The following TJP1 variants were observed in gnomAD, a reference collection of about 807,000 sequenced individuals.
TJP1 encodes tight junction protein ZO-1.
Under a neutral mutation model 194.2 loss-of-function variants are expected in TJP1, and 43 were observed. The ratio of observed to expected loss-of-function variants is 0.22; its 90% confidence interval spans 0.17 to 0.29. TJP1 has a LOEUF of 0.29. Among genes scored for constraint, TJP1 ranks in the 10% least tolerant of loss-of-function variants. The pLI, the probability that TJP1 is intolerant of heterozygous loss-of-function variation, is 1.00. For missense variants in TJP1, 1,971 were observed against 2,185.7 expected, an observed-to-expected ratio of 0.90 and a Z score of 1.96; for synonymous variants, 801 against 779.0, an observed-to-expected ratio of 1.03 and a Z score of -0.47.
chr15:29,847,571 G>A (rs2461658), intron 2 of TJP1, among the ~76,000 whole-genome samples: 20,135 of 152,000 alleles, frequency 0.13, 1,715 homozygotes, highest in East Asian at 0.28. Context: ...GGATCACGAG[G>A]TCAGGAGATT....
At chr15:29,782,333 T>C (rs1272798845) in intron 2 of TJP1, among the ~76,000 whole-genome samples, 2 of 152,142 alleles carry the variant, frequency 1.3e-5, no homozygotes, top group Admixed American at 6.5e-5. Flanking sequence ...AGCATGGTAC[T>C]GTAACAAAGA....
chr15:29,788,778 T>A (rs2047876436), intron 2 of TJP1, among the ~76,000 whole-genome samples: 1 of 152,238 alleles, frequency 6.6e-6, no homozygotes, highest in African/African-American at 2.4e-5. Flanking sequence ...GAGCAACTCA[T>A]TCCTGAGGAA....
intron 2 of TJP1, among the ~76,000 whole-genome samples, chr15:29,885,079 G>T (rs911674707): frequency 1.3e-5 from 2 of 152,142 alleles, no homozygotes; most frequent in Non-Finnish European, 2.9e-5. Context: ...CTCATTTTAG[G>T]TATGGAATCT....
intron 2 of TJP1, among the ~76,000 whole-genome samples, chr15:29,788,426 G>C (rs980704388): frequency 6.6e-6 from 1 of 152,152 alleles, no homozygotes; most frequent in African/African-American, 2.4e-5. Context: ...TCTTCAAAGA[G>C]GTTTAGAGTT....
At position 29,800,696 on chromosome 15, in the gene TJP1, C is replaced by T. The variant is rs1487943359; in HGVS notation, c.34G>A (p.Ala12Thr). 1 of 1,613,676 alleles carries T rather than the reference C, an allele frequency of 6.2e-7. No homozygotes were observed. The highest frequency in any genetic ancestry group is 1.7e-5 in the Admixed American group (1 of 59,948). ...SARAAAAKST[A>T]MEETAIWEQH... Reference sequence around the variant, plus strand: ...TCCCATATAGCTGTTTCCTCCATTGCTGTGCTCTGATAAAGGAAAAGAAAA... The same window carrying T: ...TCCCATATAGCTGTTTCCTCCATTGTTGTGCTCTGATAAAGGAAAAGAAAA... Residue 12 changes from alanine to threonine, a missense_variant, in exon 2 of 28, where the codon GCA (alanine) becomes ACA (threonine). Transcript: ENST00000614355.
At chr15:29,828,423 G>A (rs1296651495) in intron 2 of TJP1, among the ~76,000 whole-genome samples, 1 of 151,454 alleles carries the variant, frequency 6.6e-6, no homozygotes, top group Non-Finnish European at 1.5e-5. Flanking sequence ...ATATCTTTTT[G>A]TATACATGTA....
At chr15:29,949,564 C>T (rs866075751) in intron 2 of TJP1, among the ~76,000 whole-genome samples, 18 of 132,516 alleles carry the variant, frequency 1.4e-4, no homozygotes, top group Admixed American at 3.2e-4. Context: ...CCACCACCTC[C>T]ACTTCCACAA....
In TJP1 at chr15:29,705,744, G is replaced by C; in HGVS notation, c.4852C>G (p.Pro1618Ala). 1 of 1,613,992 alleles carries C rather than the reference G, an allele frequency of 6.2e-7. No homozygotes were observed. Residue 1618 changes from proline (P) to alanine (A), a missense_variant and splice_region_variant, in exon 26 of 28, where the codon CCT becomes GCT. Physicochemically the swap from Pro to Ala is conservative, Grantham distance 27 (BLOSUM62 -1). Coordinates refer to ENST00000614355, the MANE Select transcript of TJP1 (RefSeq NM_001330239.4). ...TCTTCATCCTCTTCCACAGCTGAAG[G>C]ACTGAAAGTTCAGAAATGGCTAGTG... Reference protein sequence around the residue: ...STVPKAIPVSPSAVEEDEDED... With the variant: ...STVPKAIPVSASAVEEDEDED...
intron 1 of TJP1, among the ~76,000 whole-genome samples, chr15:29,819,900 C>G (rs1040968586): frequency 1.4e-4 from 21 of 152,198 alleles, no homozygotes; most frequent in African/African-American, 5.1e-4. Flanking sequence ...GCCTTTGCCT[C>G]GGTAATTCCA....
chr15:29,950,796 G>C (rs2055720738), intron 2 of TJP1, among the ~76,000 whole-genome samples: 1 of 152,138 alleles, frequency 6.6e-6, no homozygotes, highest in Non-Finnish European at 1.5e-5. Flanking sequence ...AAAGTCAAAA[G>C]GCAGTTTTGT....
At chr15:29,902,397 C>G (rs189090962) in intron 2 of TJP1, among the ~76,000 whole-genome samples, 4 of 152,062 alleles carry the variant, frequency 2.6e-5, no homozygotes, top group Non-Finnish European at 5.9e-5. Context: ...GTAAAATACA[C>G]TCAACTATAT....
At chr15:29,939,122 G>A (rs1400273684) in intron 2 of TJP1, among the ~76,000 whole-genome samples, 2 of 152,174 alleles carry the variant, frequency 1.3e-5, no homozygotes, top group African/African-American at 4.8e-5. Flanking sequence ...GCTTGTGTCT[G>A]CATAATGCCT....
At chr15:29,869,761 C>T (rs889606551) in intron 2 of TJP1, among the ~76,000 whole-genome samples, 64 of 147,030 alleles carry the variant, frequency 4.4e-4, no homozygotes, top group Non-Finnish European at 8.4e-4. Flanking sequence ...GAAGGCAGAA[C>T]GATATCCTTT....
chr15:29,815,514 T>C lies in TJP1; in HGVS notation c.27+6488A>G, dbSNP rs143829095. 4.2e-3 allele frequency among the ~76,000 whole-genome samples: 635 copies of C among 152,360 alleles called. 8 individuals carry two copies. The highest frequency in any genetic ancestry group is 0.024 in the Middle Eastern group (7 of 294). ...ATGACTGGCTCATTCCACTAGCTTG[T>C]CTTCAGCTACTATAATGCTCAGTCA... On this transcript the variant is annotated intron_variant, in intron 1 of 27. Transcript: ENST00000614355.
intron 2 of TJP1, among the ~76,000 whole-genome samples, chr15:29,889,043 T>C (rs1782060450): frequency 6.6e-6 from 1 of 152,164 alleles, no homozygotes; most frequent in South Asian, 2.1e-4. Flanking sequence ...GCTCCCTTAG[T>C]TGGGTAAACA....
chr15:29,916,425 G>C lies in TJP1; in HGVS notation c.306+39807C>G, dbSNP rs1412648239. Among the ~76,000 whole-genome samples, 3 of 151,900 alleles carry C rather than the reference G, an allele frequency of 2.0e-5. No homozygotes were observed. The East Asian group carries it at 5.8e-4, about 29-fold the overall frequency. On this transcript the variant is annotated intron_variant, in intron 2 of 28. Coordinates refer to the TJP1 transcript ENST00000356107. Reference sequence around the variant, plus strand: ...AGAGCAACTTGAGAAGACAGAACTGGATTTCCTGAATGGGTAATGAGCTCC... The same window carrying C: ...AGAGCAACTTGAGAAGACAGAACTGCATTTCCTGAATGGGTAATGAGCTCC...
rs773112845 is a variant in TJP1 at position 29,761,311 on chromosome 15, T to C, written c.863-25A>G. On this transcript the variant is annotated intron_variant, in intron 7 of 27. Coordinates refer to ENST00000614355, the MANE Select transcript of TJP1 (RefSeq NM_001330239.4). Reference sequence around the variant, plus strand: ...TCTGTTAATAAAAGGGTGCTACTTATTTTCCCACAAAAATAATTACAGTCA... The same window carrying C: ...TCTGTTAATAAAAGGGTGCTACTTACTTTCCCACAAAAATAATTACAGTCA... 1.1e-5 allele frequency: 18 copies of C among 1,612,936 alleles called. No homozygotes were observed. The African/African-American group carries it at 2.4e-4, about 22-fold the overall frequency.
At chr15:29,875,881 G>T (rs2052680852) in intron 2 of TJP1, among the ~76,000 whole-genome samples, 1 of 152,142 alleles carries the variant, frequency 6.6e-6, no homozygotes, top group South Asian at 2.1e-4. Context: ...CTCAATATTA[G>T]GAGGAACATT....
intron 1 of TJP1, among the ~76,000 whole-genome samples, chr15:29,805,024 T>C (rs1257140842): frequency 2.0e-5 from 3 of 152,352 alleles, no homozygotes; most frequent in South Asian, 4.1e-4. Context: ...TCCAAAATTC[T>C]ATCAGACTAT....
Sources: gnomAD v4.1 joint callset for allele counts (sites outside exome capture counted in the v4.1 genomes callset) on GRCh38, gnomAD v4.1.1 for gene constraint, MANE v1.5 for transcripts, NCBI Gene and HGNC (gene_info 2026-07-23, HGNC 2026-07-21) for gene names.